The following PARD3B variants were observed in gnomAD, a reference collection of about 807,000 sequenced individuals.
PARD3B encodes the protein par-3 family cell polarity regulator beta.
A neutral mutation model predicts 130.2 loss-of-function variants in PARD3B; 103 were observed. The ratio of observed to expected loss-of-function variants is 0.79; its 90% CI spans 0.67 to 0.93. The LOEUF (loss-of-function observed/expected upper bound fraction) is 0.93, where lower values mean the gene tolerates loss of function less well. Among genes scored for constraint, PARD3B ranks in the 40% least tolerant of loss-of-function variants. The probability of loss-of-function intolerance (pLI) is 0.00; values close to 1 mark genes in which losing one functional copy is unlikely to be tolerated. For synonymous variants in PARD3B, 583 were observed against 553.2 expected (o/e 1.05, Z -0.76); for missense variants, 1,609 against 1,499.2 (o/e 1.07, Z -1.21).
intron 4 of PARD3B, among the ~76,000 whole-genome samples, chr2:205,054,287 A>T (rs1699437371): frequency 6.6e-6 from 1 of 150,790 alleles, no homozygotes; most frequent in East Asian, 2.0e-4. Flanking sequence ...ATCCCTATTT[A>T]GGTGTGTGCT....
At chr2:205,349,417 T>A (rs964014827) in intron 18 of PARD3B, among the ~76,000 whole-genome samples, 1 of 152,200 alleles carries the variant, frequency 6.6e-6, no homozygotes, top group Non-Finnish European at 1.5e-5. Context: ...ATGAGATAGG[T>A]CTGCCATGGT....
intron 22 of PARD3B, among the ~76,000 whole-genome samples, chr2:205,593,475 A>G (rs907750085): frequency 6.6e-6 from 1 of 152,230 alleles, no homozygotes; most frequent in African/African-American, 2.4e-5. Context: ...ATTTTAGTTC[A>G]CTAAACCACA....
Position 205,168,288 on chromosome 2 carries a change from G to GGAGAGAGAGA in PARD3B, c.1621-3899_1621-3890dup, listed in dbSNP as rs761018109. Among the ~76,000 whole-genome samples, 821 of 126,856 alleles carry GGAGAGAGAGA rather than the reference G, an allele frequency of 6.5e-3. 8 individuals carry two copies. Among genetic ancestry groups the GGAGAGAGAGA allele is most frequent in the South Asian group, 0.017 (63 of 3,628 alleles). The allele number at this position is 126,856 out of a possible 152,430, so 83.2% of individuals were successfully genotyped here. A position where few individuals can be genotyped will look rare whatever the true frequency, so the allele number is the denominator to read the frequency against. Reference sequence around the variant, plus strand: ...AGAGGAAGAAAAAGGGGTGAGAAAGGGAGAGAGAGAGAGAGAGAGAGAGAG... The same window carrying GGAGAGAGAGA: ...AGAGGAAGAAAAAGGGGTGAGAAAGGGAGAGAGAGAGAGAGAGAGAGAGAGAGAGAGAGAG... On this transcript the variant is annotated intron_variant, in intron 11 of 22. Coordinates refer to ENST00000406610, the MANE Select transcript of PARD3B (RefSeq NM_001302769.2).
chr2:205,411,600 G>C (rs182776824), intron 19 of PARD3B, among the ~76,000 whole-genome samples: 3 of 152,154 alleles, frequency 2.0e-5, no homozygotes, highest in African/African-American at 7.2e-5. Flanking sequence ...TAAAACCCCA[G>C]ATAACCCATA....
At chr2:205,602,683 T>G (rs2054835847) in intron 22 of PARD3B, among the ~76,000 whole-genome samples, 1 of 152,144 alleles carries the variant, frequency 6.6e-6, no homozygotes, top group African/African-American at 2.4e-5. Flanking sequence ...TTCTGATGGT[T>G]GTTTGTATTT....
At chr2:205,488,146 C>T (rs1232710811) in intron 20 of PARD3B, among the ~76,000 whole-genome samples, 1 of 152,038 alleles carries the variant, frequency 6.6e-6, no homozygotes, top group Non-Finnish European at 1.5e-5. Context: ...AAAGTCATTA[C>T]ATGAGACAAA....
intron 15 of PARD3B, among the ~76,000 whole-genome samples, chr2:205,200,078 A>G (rs1354418130): frequency 6.6e-6 from 1 of 152,158 alleles, no homozygotes; most frequent in Non-Finnish European, 1.5e-5. Flanking sequence ...AAGTCAGGAA[A>G]ATGTTTTACA....
chr2:205,285,056 A>C (rs2041342878), intron 16 of PARD3B, among the ~76,000 whole-genome samples: 1 of 148,770 alleles, frequency 6.7e-6, no homozygotes, highest in Admixed American at 6.7e-5. Flanking sequence ...TTTTTGATAT[A>C]AACCCTTTTT....
At chr2:204,975,417 A>G (rs914480842) in intron 3 of PARD3B, among the ~76,000 whole-genome samples, 4 of 152,196 alleles carry the variant, frequency 2.6e-5, no homozygotes, top group Non-Finnish European at 5.9e-5. Context: ...GGGTTGGTGG[A>G]TAAATGTCTA....
chr2:204,599,782 G>A (rs2033436509), intron 1 of PARD3B, among the ~76,000 whole-genome samples: 1 of 151,860 alleles, frequency 6.6e-6, no homozygotes, highest in Non-Finnish European at 1.5e-5. Flanking sequence ...CACAGTGACT[G>A]TATTAGTTTC....
chr2:204,924,085 A>T (rs559231324), intron 2 of PARD3B, among the ~76,000 whole-genome samples: 2 of 152,084 alleles, frequency 1.3e-5, no homozygotes, highest in Non-Finnish European at 2.9e-5. Context: ...GTGAAATAGG[A>T]TCTTGAGCAA....
At position 204,890,540 on chromosome 2, in the gene PARD3B, T is replaced by C. The variant is rs1203392967; in HGVS notation, c.223-74612T>C. Among the ~76,000 whole-genome samples the C allele has an allele frequency of 6.6e-6, 1 of 152,202 alleles. No homozygotes were observed. Among genetic ancestry groups the C allele is most frequent in the Non-Finnish European group, 1.5e-5 (1 of 68,046 alleles). ...GGAACAGTATGTTAATGGATTTTCC[T>C]TGTTTTGGGTACCATCATTGATTTC... On this transcript the variant is annotated intron_variant, in intron 2 of 22. Coordinates refer to ENST00000406610, the MANE Select transcript of PARD3B (RefSeq NM_001302769.2). This position sits in a 1 kb window ranked among gnomAD's most constrained non-coding sequence, Gnocchi z 4.9.
rs1053022495 is a variant in PARD3B at position 205,592,983 on chromosome 2, T to C, written c.3261-22473T>C. On this transcript the variant is annotated intron_variant, in intron 22 of 22. Transcript: ENST00000406610. The surrounding 1 kb of genome is among the most constrained non-coding windows in gnomAD (Gnocchi z 4.5). ...CAGCTAGGTGCAACCTGGATAGACA[T>C]TGTGGCCCATACCTTTTTTATATAC... 1.3e-5 allele frequency among the ~76,000 whole-genome samples: 2 copies of C among 152,254 alleles called. No homozygotes were observed. Among genetic ancestry groups the C allele is most frequent in the African/African-American group, 2.4e-5 (1 of 41,470 alleles).
chr2:204,601,072 T>G (rs188063232), intron 1 of PARD3B, among the ~76,000 whole-genome samples: 39 of 152,090 alleles, frequency 2.6e-4, no homozygotes, highest in Admixed American at 2.2e-3. Flanking sequence ...AAGACCTGTA[T>G]TTTAAAATAA....
intron 2 of PARD3B, among the ~76,000 whole-genome samples, chr2:204,706,439 A>G (rs1246093644): frequency 6.6e-6 from 1 of 152,080 alleles, no homozygotes; most frequent in East Asian, 1.9e-4. Context: ...AAAATAAGGG[A>G]CAGTGGGGAG....
chr2:205,522,328 TTTGATCAAGAA>T (rs1199408972), intron 21 of PARD3B, among the ~76,000 whole-genome samples: 595 of 151,932 alleles, frequency 3.9e-3, no homozygotes, highest in African/African-American at 0.014. Context: ...TTATTTTTCC[TTTGATCAAGAA>T]TGATTTATAT....
chr2:204,891,519 C>T (rs1169162793), intron 2 of PARD3B, among the ~76,000 whole-genome samples: 1 of 152,124 alleles, frequency 6.6e-6, no homozygotes, highest in Admixed American at 6.5e-5. Flanking sequence ...CATTCCTTTG[C>T]TTTATCTTGC....
At position 205,300,494 on chromosome 2, in the gene PARD3B, T is replaced by C. The variant is rs767189944; in HGVS notation, c.2186-36T>C. 1 of 1,546,514 alleles carries C rather than the reference T, an allele frequency of 6.5e-7. No homozygotes were observed. The highest frequency in any genetic ancestry group is 1.1e-5 in the South Asian group (1 of 89,412). On this transcript the variant is annotated intron_variant, in intron 16 of 22. Coordinates refer to ENST00000406610, the MANE Select transcript of PARD3B (RefSeq NM_001302769.2). The surrounding 1 kb of genome is among the most constrained non-coding windows in gnomAD (Gnocchi z 4.1). ...ATAGCATTACACCACACTGCCCCAT[T>C]AGAAGAGGGGTGACCTTTTGCCCTT... is the stretch of plus-strand genomic sequence containing the variant.
At chr2:205,002,223 C>G (rs897456200) in intron 3 of PARD3B, among the ~76,000 whole-genome samples, 2 of 152,150 alleles carry the variant, frequency 1.3e-5, no homozygotes, top group South Asian at 2.1e-4. Flanking sequence ...GGCCGTCTCT[C>G]AAACAGCCCT....
Sources: allele counts gnomAD v4.1 joint callset (sites outside exome capture counted in the v4.1 genomes callset), GRCh38; gene constraint gnomAD v4.1.1; non-coding constraint Gnocchi (gnomAD v3.1); transcripts MANE v1.5; gene names NCBI Gene and HGNC (gene_info 2026-07-23, HGNC 2026-07-21).